The following LAMA2 variants were observed in gnomAD, a reference collection of about 807,000 sequenced individuals.
The protein encoded by LAMA2 is laminin subunit alpha 2.
A neutral mutation model predicts 364.8 loss-of-function variants in LAMA2; 269 were observed. The ratio of observed to expected loss-of-function variants is 0.74; its 90% CI spans 0.67 to 0.82. The LOEUF (loss-of-function observed/expected upper bound fraction) is 0.82. LAMA2 is among the 40% of genes least tolerant of loss of function. The probability of loss-of-function intolerance (pLI) is 0.00; values close to 1 mark genes in which losing one functional copy is unlikely to be tolerated. For synonymous variants in LAMA2, 1,379 were observed against 1,370.6 expected (o/e 1.01, Z -0.14); for missense variants, 3,807 against 3,873.2 (o/e 0.98, Z 0.45).
intron 45 of LAMA2, among the ~76,000 whole-genome samples, chr6:129,450,289 G>GTTTGT (rs71028162): frequency 0.019 from 2,853 of 149,592 alleles, 42 homozygotes; most frequent in Middle Eastern, 0.031. Flanking sequence ...CAATTGTGTT[G>GTTTGT]TTTGTTTTGT....
intron 1 of LAMA2, among the ~76,000 whole-genome samples, chr6:129,018,060 A>G (rs1288601134): frequency 6.6e-6 from 1 of 151,774 alleles, no homozygotes; most frequent in East Asian, 1.9e-4. Flanking sequence ...GGAAAAAACT[A>G]CAGACTTTGT....
chr6:128,940,960 T>C (rs1215275719), intron 1 of LAMA2, among the ~76,000 whole-genome samples: 1 of 152,042 alleles, frequency 6.6e-6, no homozygotes, highest in Non-Finnish European at 1.5e-5. Flanking sequence ...CCCCCAAAAT[T>C]TTTTTAAATA....
chr6:128,924,465 T>C (rs1778961842), intron 1 of LAMA2, among the ~76,000 whole-genome samples: 1 of 151,946 alleles, frequency 6.6e-6, no homozygotes, highest in East Asian at 1.9e-4. Flanking sequence ...GTTTATAGAG[T>C]AAAGGAAACA....
intron 18 of LAMA2, among the ~76,000 whole-genome samples, chr6:129,283,991 G>A (rs1274517112): frequency 6.6e-6 from 1 of 152,112 alleles, no homozygotes; most frequent in Non-Finnish European, 1.5e-5. Flanking sequence ...GGCACTCAGG[G>A]AAGGGGAAGA....
chr6:129,510,017 CATT>C (rs919421086), intron 62 of LAMA2, among the ~76,000 whole-genome samples: 72 of 152,116 alleles, frequency 4.7e-4, no homozygotes, highest in African/African-American at 1.6e-3. Flanking sequence ...TTTCTTGCAT[CATT>C]GTTTTATAGT....
At chr6:129,259,466 T>A (rs1320099117) in intron 14 of LAMA2, among the ~76,000 whole-genome samples, 1 of 152,140 alleles carries the variant, frequency 6.6e-6, no homozygotes, top group Non-Finnish European at 1.5e-5. Flanking sequence ...TGTCTATCGG[T>A]AATTTTTAAA....
intron 62 of LAMA2, among the ~76,000 whole-genome samples, chr6:129,508,505 C>T (rs1158633125): frequency 1.3e-5 from 2 of 151,932 alleles, no homozygotes; most frequent in African/African-American, 4.8e-5. Flanking sequence ...CATCCCTACT[C>T]CTCCCTGCCA....
intron 2 of LAMA2, among the ~76,000 whole-genome samples, chr6:129,050,650 G>A (rs1466734550): frequency 2.0e-5 from 3 of 152,024 alleles, no homozygotes; most frequent in African/African-American, 7.2e-5. Context: ...GGTGAGGGAG[G>A]GGAAGAGGAG....
At chr6:128,989,705 A>G (rs775087028) in intron 1 of LAMA2, among the ~76,000 whole-genome samples, 1 of 152,228 alleles carries the variant, frequency 6.6e-6, no homozygotes, top group Non-Finnish European at 1.5e-5. Flanking sequence ...GCTGAATAGA[A>G]CTAAGAATAG....
rs114064636 is a variant in LAMA2, at chr6:129,419,116, G to A, written c.5866-8636G>A. ...CAATAATTTTTTTAAAAGTCTATTG[G>A]AAGCAGAGAAATAAATTTTTTGACC... On this transcript the variant is annotated intron_variant, in intron 40 of 64. Coordinates refer to ENST00000421865, the MANE Select transcript of LAMA2 (RefSeq NM_000426.4). Among the ~76,000 whole-genome samples the A allele has an allele frequency of 4.1e-3, 630 of 151,944 alleles. 11 individuals are homozygous for A. The highest frequency in any genetic ancestry group is 0.015 in the African/African-American group (608 of 41,390).
intron 22 of LAMA2, 47 bp downstream of exon 22, chr6:129,300,919 TG>T: frequency 1.3e-6 from 2 of 1,583,122 alleles, no homozygotes; most frequent in Non-Finnish European, 1.7e-6. Context: ...GAGAGATTTT[TG>T]TTTTGTAGAG....
At chr6:129,049,719 C>A (rs1787856429) in intron 1 of LAMA2, among the ~76,000 whole-genome samples, 199 bp from the exon 2 acceptor site, 1 of 151,726 alleles carries the variant, frequency 6.6e-6, no homozygotes, top group African/African-American at 2.4e-5. Context: ...TACTTAAGAC[C>A]CAGAAAGAAA....
At chr6:129,389,199 C>T (rs1779186031) in intron 35 of LAMA2, among the ~76,000 whole-genome samples, 1 of 152,204 alleles carries the variant, frequency 6.6e-6, no homozygotes, top group Admixed American at 6.5e-5. Flanking sequence ...ATAACTTCTA[C>T]CACAGGGCTA....
At chr6:129,469,414 A>G (rs1324842499) in intron 51 of LAMA2, among the ~76,000 whole-genome samples, 2 of 151,938 alleles carry the variant, frequency 1.3e-5, no homozygotes, top group Admixed American at 6.6e-5. Context: ...TTACACAGCT[A>G]TTAGAATGAC....
intron 32 of LAMA2, among the ~76,000 whole-genome samples, chr6:129,357,882 A>G (rs1205326804): frequency 6.6e-6 from 1 of 152,004 alleles, no homozygotes; most frequent in African/African-American, 2.4e-5. Flanking sequence ...TGTGGTTATC[A>G]CTGTAATGAA....
intron 10 of LAMA2, among the ~76,000 whole-genome samples, chr6:129,182,150 C>T (rs546680101): frequency 6.6e-6 from 1 of 151,644 alleles, no homozygotes; most frequent in Non-Finnish European, 1.5e-5. Flanking sequence ...CTTCATGATA[C>T]CTAAAAATAA....
chr6:128,936,302 C>T (rs1779807276), intron 1 of LAMA2, among the ~76,000 whole-genome samples: 1 of 152,202 alleles, frequency 6.6e-6, no homozygotes, highest in Admixed American at 6.5e-5. Flanking sequence ...AGTATGACAT[C>T]AGCTGTAGAC....
intron 3 of LAMA2, among the ~76,000 whole-genome samples, chr6:129,076,447 A>G (rs1466497773): frequency 7.0e-6 from 1 of 143,244 alleles, no homozygotes; most frequent in Non-Finnish European, 1.5e-5. Flanking sequence ...TATATATAAT[A>G]TATTATATAT....
chr6:129,117,716 C>T (rs368341027), intron 4 of LAMA2, among the ~76,000 whole-genome samples: 7 of 152,192 alleles, frequency 4.6e-5, no homozygotes, highest in Admixed American at 1.3e-4. Flanking sequence ...TGCCTTGTGC[C>T]AAGTACCATT....
Sources: allele counts gnomAD v4.1 joint callset (sites outside exome capture counted in the v4.1 genomes callset), GRCh38; gene constraint gnomAD v4.1.1; transcripts MANE v1.5; gene names NCBI Gene and HGNC (gene_info 2026-07-23, HGNC 2026-07-21).